The following TNPO3 variants were observed in gnomAD, a reference collection of about 807,000 sequenced individuals.
TNPO3 encodes the protein transportin-3.
In TNPO3, 65 loss-of-function variants were observed where a neutral mutation model predicts 122.8. The observed-to-expected ratio is 0.53, with a 90% CI of 0.43 to 0.65. The LOEUF (loss-of-function observed/expected upper bound fraction) is 0.65. TNPO3 is among the 30% of genes least tolerant of loss of function. The pLI, the probability that TNPO3 is intolerant of heterozygous loss-of-function variation, is 0.00. For synonymous variants in TNPO3, 372 were observed against 411.2 expected (o/e 0.90, Z 1.15); for missense variants, 850 against 1,136.7 (o/e 0.75, Z 3.63).
chr7:128,983,168 G>A (rs986572802), intron 13 of TNPO3, among the ~76,000 whole-genome samples: 2 of 152,084 alleles, frequency 1.3e-5, no homozygotes, highest in African/African-American at 4.8e-5. Context: ...CAAGTGGCCA[G>A]CATTAATGTT....
At position 129,003,296 on chromosome 7, in the gene TNPO3, G is replaced by GTTTTTTTT. The variant is rs1299743179; in HGVS notation, c.696+1719_696+1720insAAAAAAAA. Among the ~76,000 whole-genome samples, 2 of 107,734 alleles carry GTTTTTTTT rather than the reference G, an allele frequency of 1.9e-5. 1 individual carries two copies. The allele number at this position is 107,734 out of a possible 152,430, so 70.7% of individuals were successfully genotyped here. On this transcript the variant is annotated intron_variant, in intron 5 of 22. Coordinates refer to ENST00000265388, the MANE Select transcript of TNPO3 (RefSeq NM_012470.4). ...ATATATGAAGTATTTTAATTTTTAG[G>GTTTTTTTT]GTTTTTTTTTTTTTTTTTTTTTAAG...
chr7:129,054,793 G>A lies in TNPO3; in HGVS notation c.-23C>T. On this transcript the variant is annotated 5_prime_UTR_variant, in exon 1 of 23. Transcript: ENST00000265388. ...CATGGTGGTGGCGGTAGTGGCGGTA[G>A]CGACGGCTCTGATTCTTCTCCGGAG... 1 of 1,613,928 alleles carries A rather than the reference G, an allele frequency of 6.2e-7. No homozygotes were observed. Among genetic ancestry groups the A allele is most frequent in the Non-Finnish European group, 8.5e-7 (1 of 1,179,946 alleles).
chr7:129,029,858 TAA>T, intron 1 of TNPO3: 1 of 146,114 alleles, frequency 6.8e-6, no homozygotes, highest in Non-Finnish European at 1.5e-5. Flanking sequence ...CCATCTCTAC[TAA>T]AAAAAAAACC....
At chr7:129,037,190 A>G (rs1165947466) in intron 1 of TNPO3, among the ~76,000 whole-genome samples, 2 of 152,242 alleles carry the variant, frequency 1.3e-5, no homozygotes, top group Non-Finnish European at 2.9e-5. Flanking sequence ...ATGCCTCAGA[A>G]GAGTTCCACA....
Position 129,014,976 on chromosome 7 carries a change from C to T in TNPO3, c.552+3G>A, listed in dbSNP as rs1308270800. On this transcript the variant is annotated splice_donor_region_variant and intron_variant, in intron 4 of 22. Transcript: ENST00000265388. ...AGCAACTTAGTATTTCAAACTTACT[C>T]ACCAATAGAGATACTACTGTACTAG... 1.3e-6 allele frequency: 2 copies of T among 1,571,798 alleles called. No individual in the cohort carries two copies. Among genetic ancestry groups the T allele is most frequent in the Admixed American group, 2.2e-5 (1 of 45,718 alleles).
rs1796768784 is a variant in TNPO3 at position 128,955,019 on chromosome 7, G to C, written c.*398C>G. On this transcript the variant is annotated 3_prime_UTR_variant, in exon 23 of 23. Transcript: ENST00000265388. ...TGCGCACTGGCGCTTGTGCGTGTATGTGTGTGTGCGTGCATGTGTCATTTG... is the reference window on the plus strand; with the variant it reads ...TGCGCACTGGCGCTTGTGCGTGTATCTGTGTGTGCGTGCATGTGTCATTTG... 3.5e-6 allele frequency: 1 copy of C among 285,632 alleles called. No individual in the cohort carries two copies. Among genetic ancestry groups the C allele is most frequent in the African/African-American group, 2.3e-5 (1 of 42,982 alleles). The allele number at this position is 285,632 out of a possible 1,614,324, so 17.7% of individuals were successfully genotyped here. A position where few individuals can be genotyped will look rare whatever the true frequency, so the allele number is the denominator to read the frequency against.
At chr7:128,983,373 AT>A (rs1310292058) in intron 13 of TNPO3, among the ~76,000 whole-genome samples, 2 of 151,886 alleles carry the variant, frequency 1.3e-5, no homozygotes, top group Non-Finnish European at 2.9e-5. Flanking sequence ...CACCTGGCTA[AT>A]TTTTTGTATT....
intron 1 of TNPO3, among the ~76,000 whole-genome samples, chr7:129,019,731 C>T (rs1026207426): frequency 1.3e-5 from 2 of 152,080 alleles, no homozygotes; most frequent in Non-Finnish European, 2.9e-5. Context: ...CAGTCACTCA[C>T]ACCTGTAATC....
In TNPO3 at chr7:128,970,256, T is replaced by C. The variant is rs766055836; in HGVS notation, c.2490A>G (p.Gly830=). 4 of 1,613,890 alleles carry C rather than the reference T, an allele frequency of 2.5e-6. No individual in the cohort carries two copies. The Admixed American group carries it at 6.7e-5, about 27-fold the overall frequency. Reference sequence around the variant, plus strand: ...GCAGCAGCTGGCTGACAAGCTGCTGTCCAAGCTGGTTCATCACCTGTCCAA... The same window carrying C: ...GCAGCAGCTGGCTGACAAGCTGCTGCCCAAGCTGGTTCATCACCTGTCCAA... The part of the protein sequence containing the change: ...ELIGQVMNQL[G]QQLVSQLLHT... Residue 830 remains glycine, a synonymous_variant, in exon 20 of 23, where the codon GGA becomes GGG. Transcript: ENST00000265388.
chr7:128,981,781 T>G (rs1364744716), intron 14 of TNPO3, among the ~76,000 whole-genome samples: 1 of 150,626 alleles, frequency 6.6e-6, no homozygotes, highest in Non-Finnish European at 1.5e-5. Flanking sequence ...CCGGCTAGAG[T>G]GCAGTGATGT....
At chr7:128,966,438 AG>A (rs1250784446) in intron 21 of TNPO3, among the ~76,000 whole-genome samples, 3 of 152,244 alleles carry the variant, frequency 2.0e-5, no homozygotes, top group Non-Finnish European at 2.9e-5. Context: ...ATCAGGGCAA[AG>A]GAACACTTAG....
intron 1 of TNPO3, among the ~76,000 whole-genome samples, chr7:129,034,894 CAAAAAAAAAAAA>C (rs1219082555): frequency 2.1e-5 from 1 of 48,390 alleles, no homozygotes; most frequent in Middle Eastern, 0.01. Flanking sequence ...GACTCTGTCT[CAAAAAAAAAAAA>C]AAAAAAAAGA....
chr7:128,984,491 A>G (rs1177003575), intron 12 of TNPO3, among the ~76,000 whole-genome samples: 1 of 152,220 alleles, frequency 6.6e-6, no homozygotes, highest in Non-Finnish European at 1.5e-5. Flanking sequence ...TGAAGTTAAT[A>G]TTTGTCAAAG....
chr7:129,035,950 CTTTTTTTTTTT>C (rs71162551), intron 1 of TNPO3, among the ~76,000 whole-genome samples: 5 of 119,938 alleles, frequency 4.2e-5, no homozygotes, highest in Non-Finnish European at 8.8e-5. Flanking sequence ...CTTTTCTTTT[CTTTTTTTTTTT>C]TTTTTTTTTT....
chr7:129,031,969 G>C (rs77291170), intron 1 of TNPO3, among the ~76,000 whole-genome samples: 2 of 152,088 alleles, frequency 1.3e-5, no homozygotes, highest in African/African-American at 4.8e-5. Flanking sequence ...TTACAGGCAT[G>C]AGCCATCACG....
At chr7:129,044,210 G>T (rs928934938) in intron 1 of TNPO3, among the ~76,000 whole-genome samples, 1 of 152,236 alleles carries the variant, frequency 6.6e-6, no homozygotes, top group African/African-American at 2.4e-5. Flanking sequence ...TTACAGGCAT[G>T]AGCCACTGCG....
chr7:128,965,185 T>C (rs148903891), intron 21 of TNPO3, among the ~76,000 whole-genome samples: 6 of 152,308 alleles, frequency 3.9e-5, no homozygotes, highest in African/African-American at 1.4e-4. Context: ...GCAAATCATG[T>C]ACCTGATAAG....
intron 5 of TNPO3, among the ~76,000 whole-genome samples, chr7:129,003,543 A>G (rs943008035): frequency 1.3e-5 from 2 of 151,518 alleles, no homozygotes; most frequent in African/African-American, 4.9e-5. Flanking sequence ...GCACATGCCT[A>G]TATCCCAGCT....
chr7:129,000,324 C>A, intron 7 of TNPO3, 105 bp downstream of exon 7: 1 of 1,224,150 alleles, frequency 8.2e-7, no homozygotes, highest in Non-Finnish European at 1.1e-6. Context: ...AAAAACAAGA[C>A]TGTAATTTCT....
Sources: allele counts gnomAD v4.1 joint callset (sites outside exome capture counted in the v4.1 genomes callset), GRCh38; gene constraint gnomAD v4.1.1; transcripts MANE v1.5; gene names NCBI Gene and HGNC (gene_info 2026-07-23, HGNC 2026-07-21).